Variants in SLC16A8 observed in about 807,000 individuals in gnomAD.
SLC16A8 encodes solute carrier family 16 member 8, also known as monocarboxylate transporter 3.
A neutral mutation model predicts 22.4 loss-of-function variants in SLC16A8; 20 were observed. The observed-to-expected ratio is 0.89, with a 90% confidence interval of 0.63 to 1.30. The LOEUF is 1.30. SLC16A8 is among the 50% of genes most tolerant of loss of function. SLC16A8 has a pLI of 0.00. For synonymous variants in SLC16A8, 393 were observed against 358.8 expected (o/e 1.10, Z -1.08); for missense variants, 817 against 740.3 (o/e 1.10, Z -1.20).
intron 1 of SLC16A8, among the ~76,000 whole-genome samples, chr22:38,083,602 C>T (rs1172422739): frequency 6.6e-6 from 1 of 152,210 alleles, no homozygotes; most frequent in East Asian, 1.9e-4. Flanking sequence ...AGGTAGGAAC[C>T]TTAGCAGCAC....
At position 38,079,201 on chromosome 22, in the gene SLC16A8, G is replaced by A. The variant is rs914199134; in HGVS notation, c.1199-497C>T. ...ATCATCGGCACAGGTGGGGCTTGTG[G>A]GCCAGTAACTCATTTCCTTCTCTAT... On this transcript the variant is annotated intron_variant, in intron 5 of 5. Coordinates refer to ENST00000681075, the MANE Select transcript of SLC16A8 (RefSeq NM_013356.3). Among the ~76,000 whole-genome samples, 5 of 152,202 alleles carry A rather than the reference G, an allele frequency of 3.3e-5. No individual in the cohort carries two copies. The South Asian group carries it at 8.3e-4, about 25-fold the overall frequency.
chr22:38,082,081 C>A, intron 3 of SLC16A8, 49 bp from the exon 4 acceptor site: 1 of 1,528,726 alleles, frequency 6.5e-7, no homozygotes, highest in Non-Finnish European at 8.8e-7. Flanking sequence ...GGCTTGAGTC[C>A]TCTAAGGAAT....
chr22:38,080,523 T>G (rs2085899063), intron 5 of SLC16A8, among the ~76,000 whole-genome samples: 1 of 152,212 alleles, frequency 6.6e-6, no homozygotes, highest in African/African-American at 2.4e-5. Flanking sequence ...GCGCTAAGGC[T>G]TTGTGCCTCA....
In SLC16A8 at chr22:38,080,850, C is replaced by A; in HGVS notation, c.1188G>T (p.Pro396=). ...LVEAAAVLIG[P]PSAGRLVDVL... is the part of the protein sequence containing the mutation. The stretch of plus-strand genomic sequence containing the variant: ...TCCTTCGGGGCGCACCGGCAGAGGG[C>A]GGTCCGATGAGCACAGCCGCGGCCT... Residue 396 remains proline (P), a synonymous_variant, in exon 5 of 6, where the codon CCG becomes CCT. Transcript: ENST00000681075. The A allele has an allele frequency of 6.6e-7, 1 of 1,514,354 alleles. No homozygotes were observed. The allele number at this position is 1,514,354 out of a possible 1,614,324, so 93.8% of individuals were successfully genotyped here.
rs1274796531 is a variant in SLC16A8, at chr22:38,082,346, C to T, written c.214+314G>A. On this transcript the variant is annotated intron_variant, in intron 3 of 5. Transcript: ENST00000681075. ...CCAGGATGGGAACTCCAGCAAGCCCCCACCTACAGGTCAGGGCTGCGGGGA... is the reference window on the plus strand; with the variant it reads ...CCAGGATGGGAACTCCAGCAAGCCCTCACCTACAGGTCAGGGCTGCGGGGA... Among the ~76,000 whole-genome samples, 3 of 152,368 alleles carry T rather than the reference C, an allele frequency of 2.0e-5. No individual in the cohort carries two copies. The East Asian group carries it at 5.8e-4, about 29-fold the overall frequency.
chr22:38,081,385 C>G lies in SLC16A8; in HGVS notation c.653G>C (p.Gly218Ala). The stretch of plus-strand genomic sequence containing the variant: ...CCCCGCACCGTCAGCCTCCGCCTCG[C>G]CCGGAGCGTCCCCGGCGCGGTCGCC... ...SAGDRAGDAP[G>A]EAEADGAGLQ... The change falls in exon 5 of 6, where the codon GGC (glycine) becomes GCC (alanine). Residue 218 changes from glycine to alanine, a missense_variant. By Grantham distance (60) the Gly-to-Ala change is moderately conservative. Transcript: ENST00000681075. 1 of 1,389,862 alleles carries G rather than the reference C, an allele frequency of 7.2e-7. No individual in the cohort carries two copies. Among genetic ancestry groups the G allele is most frequent in the Non-Finnish European group, 9.3e-7 (1 of 1,076,232 alleles). 86.1% of individuals were successfully genotyped at this position (1,389,862 alleles called of 1,614,324 possible). A position where few individuals can be genotyped will look rare whatever the true frequency, so the allele number is the denominator to read the frequency against.
In SLC16A8 at chr22:38,081,910, G is replaced by C. The variant is rs1301298817; in HGVS notation, c.337C>G (p.Leu113Val). The part of the protein sequence containing the change: ...SFATRLLELY[L>V]TAGVLTGLGL... ...TCACCTGTGAGCACCCCAGCGGTCAGGTAGAGCTCCAGGAGGCGCGTGGCA... is the reference window on the plus strand; with the variant it reads ...TCACCTGTGAGCACCCCAGCGGTCACGTAGAGCTCCAGGAGGCGCGTGGCA... The change falls in exon 4 of 6, where the codon CTG (leucine) becomes GTG (valine). Residue 113 changes from leucine (L) to valine (V), a missense_variant. Transcript: ENST00000681075. 2 of 1,590,568 alleles carry C rather than the reference G, an allele frequency of 1.3e-6. No homozygotes were observed. Among genetic ancestry groups the C allele is most frequent in the African/African-American group, 2.7e-5 (2 of 74,510 alleles).
Position 38,080,817 on chromosome 22 carries a change from C to G in SLC16A8, c.1198+23G>C, listed in dbSNP as rs1241995075. On this transcript the variant is annotated intron_variant, in intron 5 of 5. Transcript: ENST00000681075. ...GGTCTAAGGGGCACTAGGCTCGCCA[C>G]CCCCTCTTCCTTCGGGGCGCACCGG... The G allele has an allele frequency of 4.8e-6, 7 of 1,468,330 alleles. No individual in the cohort carries two copies. In the East Asian group the frequency reaches 7.5e-5, roughly 16 times the overall value. The allele number at this position is 1,468,330 out of a possible 1,614,324, so 91.0% of individuals were successfully genotyped here.
intron 5 of SLC16A8, 47 bp from the exon 6 acceptor site, chr22:38,078,751 C>T (rs772824497): frequency 6.5e-7 from 1 of 1,537,452 alleles, no homozygotes; most frequent in South Asian, 1.2e-5. Flanking sequence ...CCTGTGGGGT[C>T]CTCCCCTCAC....
intron 5 of SLC16A8, among the ~76,000 whole-genome samples, chr22:38,079,491 G>A (rs1253416358): frequency 6.6e-6 from 1 of 152,076 alleles, no homozygotes; most frequent in African/African-American, 2.4e-5. Flanking sequence ...GTGCCATCTT[G>A]GCTCACTGCA....
chr22:38,078,728 G>C, intron 5 of SLC16A8, 24 bp from the exon 6 acceptor site: 1 of 1,592,012 alleles, frequency 6.3e-7, no homozygotes, highest in South Asian at 1.1e-5. Context: ...GGAAGAGGAG[G>C]GAGAGGTAAG....
chr22:38,078,532 A>G lies in SLC16A8; in HGVS notation c.1371T>C (p.Ala457=), dbSNP rs769870593. 34 of 1,614,164 alleles carry G rather than the reference A, an allele frequency of 2.1e-5. No individual in the cohort carries two copies. The highest frequency in any genetic ancestry group is 2.7e-5 in the Non-Finnish European group (32 of 1,180,032). The part of the protein sequence containing the change: ...TEGGASDTED[A]EAEGDSEPLP... ...GGGGCTCAGAGTCCCCTTCAGCCTC[A>G]GCGTCCTCAGTGTCACTGGCTCCGC... is the stretch of plus-strand genomic sequence containing the variant. The change falls in exon 6 of 6, where the codon GCT becomes GCC. Residue 457 remains alanine, a synonymous_variant. Coordinates refer to ENST00000681075, the MANE Select transcript of SLC16A8 (RefSeq NM_013356.3).
chr22:38,081,744 A>AG (rs2085921428), intron 4 of SLC16A8, 65 bp from the exon 5 acceptor site: 1 of 1,456,176 alleles, frequency 6.9e-7, no homozygotes, highest in Non-Finnish European at 9.0e-7. Flanking sequence ...CACAGGAGGG[A>AG]GGGGCCAGGC....
At position 38,082,470 on chromosome 22, in the gene SLC16A8, C is replaced by T. The variant is rs971034379; in HGVS notation, c.214+190G>A. 3.0e-4 allele frequency among the ~76,000 whole-genome samples: 45 copies of T among 152,386 alleles called. No individual in the cohort carries two copies. The Middle Eastern group carries it at 0.01, about 35-fold the overall frequency. On this transcript the variant is annotated intron_variant, in intron 3 of 5. Transcript: ENST00000681075. ...GAGCTCGCAGGGCAGCCCCCTGGGCCGGCCCCGCCTCTGGCCGCTGTCTCC... is the reference window on the plus strand; with the variant it reads ...GAGCTCGCAGGGCAGCCCCCTGGGCTGGCCCCGCCTCTGGCCGCTGTCTCC...
chr22:38,078,677 T>C lies in SLC16A8; in HGVS notation c.1226A>G (p.Tyr409Cys). 5 of 1,609,976 alleles carry C rather than the reference T, an allele frequency of 3.1e-6. No individual in the cohort carries two copies. The highest frequency in any genetic ancestry group is 4.2e-6 in the Non-Finnish European group (5 of 1,176,552). The change falls in exon 6 of 6, where the codon TAT becomes TGT. Residue 409 changes from tyrosine to cysteine, a missense_variant. Tyr to Cys is a radical substitution (Grantham distance 194). Transcript: ENST00000681075. ...AGRLVDVLKN[Y>C]EIIFYLAGSE... is the part of the protein sequence containing the mutation. ...GCCGGCCAGGTAGAAGATGATCTCA[T>C]AGTTCTTCAACACATCCACCAGGCG... is the stretch of plus-strand genomic sequence containing the variant.
chr22:38,081,365 C>T lies in SLC16A8; in HGVS notation c.673G>A (p.Ala225Thr). 1 of 1,433,094 alleles carries T rather than the reference C, an allele frequency of 7.0e-7. No individual in the cohort carries two copies. Among genetic ancestry groups the T allele is most frequent in the Non-Finnish European group, 9.1e-7 (1 of 1,097,242 alleles). The allele number at this position is 1,433,094 out of a possible 1,614,324, so 88.8% of individuals were successfully genotyped here. A position where few individuals can be genotyped will look rare whatever the true frequency, so the allele number is the denominator to read the frequency against. The change falls in exon 5 of 6, where the codon GCG becomes ACG. Residue 225 changes from alanine to threonine, a missense_variant. Ala to Thr is a moderately conservative substitution (Grantham distance 58). Coordinates refer to ENST00000681075, the MANE Select transcript of SLC16A8 (RefSeq NM_013356.3). The part of the protein sequence containing the change: ...DAPGEAEADG[A>T]GLQLREASPR... ...GATGCCTCGCGCAGCTGCAGCCCCG[C>T]ACCGTCAGCCTCCGCCTCGCCCGGA... is the stretch of plus-strand genomic sequence containing the variant.
rs749045610 is a variant in SLC16A8 at position 38,078,721 on chromosome 22, AGAG to A, written c.1199-20_1199-18del. 1.7e-5 allele frequency: 27 copies of A among 1,596,058 alleles called. No individual in the cohort carries two copies. The highest frequency in any genetic ancestry group is 1.2e-4 in the Admixed American group (7 of 59,626). The stretch of plus-strand genomic sequence containing the variant: ...CCAGGCGGCCTGGGGAGGAGGAGGA[AGAG>A]GAGGGAGAGGTAAGGTCCTGTGGGG... On this transcript the variant is annotated intron_variant, in intron 5 of 5. Coordinates refer to ENST00000681075, the MANE Select transcript of SLC16A8 (RefSeq NM_013356.3).
chr22:38,081,753 G>C (rs1488231683), intron 4 of SLC16A8, 74 bp from the exon 5 acceptor site: 3 of 1,457,474 alleles, frequency 2.1e-6, no homozygotes, highest in Non-Finnish European at 2.7e-6. Flanking sequence ...GAGGGGCCAG[G>C]CCCGGGAACC....
chr22:38,082,542 C>A (rs1601971962), intron 3 of SLC16A8, 118 bp downstream of exon 3: 2 of 838,160 alleles, frequency 2.4e-6, no homozygotes, highest in East Asian at 5.4e-5. Flanking sequence ...TTCCCACAGG[C>A]AGGAAGGGAC....
Sources: gnomAD v4.1 joint callset for allele counts (sites outside exome capture counted in the v4.1 genomes callset) on GRCh38, gnomAD v4.1.1 for gene constraint, MANE v1.5 for transcripts, NCBI Gene and HGNC (gene_info 2026-07-23, HGNC 2026-07-21) for gene names.